The following PPARD variants were observed in gnomAD, a reference collection of about 807,000 sequenced individuals.
PPARD encodes the protein peroxisome proliferator-activated receptor delta.
A neutral mutation model predicts 39.5 loss-of-function variants in PPARD; 6 were observed. That is an observed-to-expected ratio of 0.15 (90% confidence interval 0.08 to 0.30). The LOEUF is 0.30. PPARD is among the 10% of genes least tolerant of loss of function. PPARD has a pLI of 1.00. For synonymous variants in PPARD, 210 were observed against 231.3 expected, an observed-to-expected ratio of 0.91 and a Z score of 0.83; for missense variants, 397 against 596.8, an observed-to-expected ratio of 0.67 and a Z score of 3.49.
intron 2 of PPARD, chr6:35,397,453 A>G: frequency 1.2e-6 from 1 of 846,894 alleles, no homozygotes; most frequent in South Asian, 5.4e-5. Context: ...TCTCCACCAC[A>G]TTTCTACCAA....
chr6:35,414,793 G>T (rs939509191), intron 3 of PPARD, among the ~76,000 whole-genome samples: 5 of 152,134 alleles, frequency 3.3e-5, no homozygotes, highest in African/African-American at 4.8e-5. Context: ...ACAGCTTTGA[G>T]CCCTGAAACA....
At chr6:35,380,476 GTTTTTTTT>G (rs71002557) in intron 2 of PPARD, among the ~76,000 whole-genome samples, 15 of 67,132 alleles carry the variant, frequency 2.2e-4, no homozygotes, top group African/African-American at 5.0e-4. Context: ...TTTTTTGTTT[GTTTTTTTT>G]TTTTTTTTTT....
At chr6:35,374,545 C>G (rs1422161869) in intron 2 of PPARD, among the ~76,000 whole-genome samples, 1 of 151,356 alleles carries the variant, frequency 6.6e-6, no homozygotes, top group African/African-American at 2.4e-5. Flanking sequence ...GTAGTCCCAG[C>G]TACTCGGGAG....
chr6:35,406,352 CAG>C (rs1765048093), intron 2 of PPARD, among the ~76,000 whole-genome samples: 3 of 152,250 alleles, frequency 2.0e-5, no homozygotes, highest in Admixed American at 6.5e-5. Flanking sequence ...TCCAGTGGGT[CAG>C]GGGAGAGAGC....
intron 2 of PPARD, among the ~76,000 whole-genome samples, chr6:35,348,043 G>T (rs1760988716): frequency 6.6e-6 from 1 of 151,624 alleles, no homozygotes; most frequent in South Asian, 2.1e-4. Flanking sequence ...GAGTAGCTGA[G>T]ATTACAGGCA....
chr6:35,356,603 ATCTCTTGTATGG>A (rs1761626264), intron 2 of PPARD, among the ~76,000 whole-genome samples: 1 of 152,148 alleles, frequency 6.6e-6, no homozygotes, highest in Non-Finnish European at 1.5e-5. Context: ...CTGGATAATC[ATCTCTTGTATGG>A]GCTGTTTGTG....
chr6:35,413,166 C>G (rs902424708), intron 3 of PPARD, among the ~76,000 whole-genome samples: 3 of 152,234 alleles, frequency 2.0e-5, no homozygotes, highest in African/African-American at 7.2e-5. Flanking sequence ...AATAGCATCA[C>G]TGTTCCCGTG....
intron 2 of PPARD, among the ~76,000 whole-genome samples, chr6:35,364,635 C>T (rs1377157289): frequency 3.3e-5 from 5 of 151,358 alleles, no homozygotes; most frequent in Non-Finnish European, 7.4e-5. Context: ...GACGAGGTTT[C>T]ACCGTGTTGG....
At chr6:35,370,370 T>C (rs1038875583) in intron 2 of PPARD, among the ~76,000 whole-genome samples, 20 of 151,998 alleles carry the variant, frequency 1.3e-4, no homozygotes, top group African/African-American at 4.1e-4. Context: ...GTGAGTAGAG[T>C]TGGGTGGATA....
intron 2 of PPARD, among the ~76,000 whole-genome samples, chr6:35,369,544 A>G (rs767827862): frequency 1.7e-4 from 26 of 152,198 alleles, no homozygotes; most frequent in Non-Finnish European, 3.5e-4. Flanking sequence ...GACATTTCAT[A>G]TAAATGGGAT....
chr6:35,343,140 T>C (rs1791956568), intron 1 of PPARD, among the ~76,000 whole-genome samples: 1 of 152,126 alleles, frequency 6.6e-6, no homozygotes, highest in Admixed American at 6.5e-5. Context: ...TCTGGGATCT[T>C]TTCCTCTGTC....
chr6:35,411,969 C>T (rs1167480281), intron 3 of PPARD, among the ~76,000 whole-genome samples: 6 of 152,290 alleles, frequency 3.9e-5, no homozygotes, highest in African/African-American at 1.4e-4. Context: ...CCTTCTGTTG[C>T]CCAGACTAGA....
At chr6:35,392,594 G>T (rs1764074925) in intron 2 of PPARD, among the ~76,000 whole-genome samples, 1 of 152,162 alleles carries the variant, frequency 6.6e-6, no homozygotes, top group South Asian at 2.1e-4. Flanking sequence ...GAGACAGGAA[G>T]CATTAATGGG....
intron 2 of PPARD, among the ~76,000 whole-genome samples, chr6:35,364,768 G>T: frequency 6.6e-6 from 1 of 150,658 alleles, no homozygotes; most frequent in African/African-American, 2.5e-5. Flanking sequence ...GGAGTGCAGT[G>T]GCGCGATTTC....
chr6:35,419,136 C>T (rs1025515189), intron 3 of PPARD, among the ~76,000 whole-genome samples: 1 of 152,142 alleles, frequency 6.6e-6, no homozygotes, highest in Admixed American at 6.5e-5. Context: ...GGCTGATTCT[C>T]TGGTTTGGAG....
chr6:35,421,335 A>ATTTTG (rs796875046), intron 4 of PPARD, among the ~76,000 whole-genome samples: 2 of 142,300 alleles, frequency 1.4e-5, no homozygotes, highest in African/African-American at 2.6e-5. Flanking sequence ...GTTTTGTTTT[A>ATTTTG]TTTTGTTTTG....
intron 2 of PPARD, among the ~76,000 whole-genome samples, chr6:35,358,551 C>G (rs953703232): frequency 6.6e-6 from 1 of 152,174 alleles, no homozygotes; most frequent in African/African-American, 2.4e-5. Flanking sequence ...AGGCGTCCCT[C>G]TCATGGCACA....
In PPARD at chr6:35,355,552, TAAAAAAAAA is replaced by T. The variant is rs1171537260; in HGVS notation, c.-102+8420_-102+8428del. ...GGGTGACAGAGTAAGGCCCTGTCTG[TAAAAAAAAA>T]AAAAAAAAAAAAAAAAAGTGCTTTC... On this transcript the variant is annotated intron_variant, in intron 2 of 7. Coordinates refer to ENST00000360694, the MANE Select transcript of PPARD (RefSeq NM_006238.5). Among the ~76,000 whole-genome samples the T allele has an allele frequency of 2.7e-3, 159 of 59,410 alleles. 1 individual carries two copies. The highest frequency in any genetic ancestry group is 0.011 in the African/African-American group (134 of 12,358). 39.0% of individuals were successfully genotyped at this position (59,410 alleles called of 152,430 possible).
At chr6:35,423,248 G>T (rs544720407) in intron 5 of PPARD, among the ~76,000 whole-genome samples, 1 of 151,306 alleles carries the variant, frequency 6.6e-6, no homozygotes, top group Non-Finnish European at 1.5e-5. Context: ...AAAGAAAAAG[G>T]CTGGGCATGG....
Sources: gnomAD v4.1 joint callset for allele counts (sites outside exome capture counted in the v4.1 genomes callset) on GRCh38, gnomAD v4.1.1 for gene constraint, MANE v1.5 for transcripts, NCBI Gene and HGNC (gene_info 2026-07-23, HGNC 2026-07-21) for gene names.